The following CA8 variants were observed in gnomAD, a reference collection of about 807,000 sequenced individuals.
The protein encoded by CA8 is carbonic anhydrase 8 (inactive).
CA8 carries 22 observed loss-of-function variants against 41.4 expected under a neutral mutation model. That is an observed-to-expected ratio of 0.53 (90% CI 0.38 to 0.76). The LOEUF (loss-of-function observed/expected upper bound fraction) is 0.76, where lower values mean the gene tolerates loss of function less well. CA8 is among the 30% of genes least tolerant of loss of function. The pLI is 0.00. For synonymous variants in CA8, 121 were observed against 130.6 expected (o/e 0.93, Z 0.50); for missense variants, 270 against 352.8 (o/e 0.77, Z 1.88).
chr8:60,227,959 G>A (rs1362553848), intron 4 of CA8, among the ~76,000 whole-genome samples: 5 of 152,186 alleles, frequency 3.3e-5, no homozygotes, highest in African/African-American at 1.2e-4. Context: ...GAGAGTAATG[G>A]AGGTCATTTA....
At chr8:60,190,938 C>CACTATATATATATATATATATATA (rs1018035216) in intron 8 of CA8, among the ~76,000 whole-genome samples, 5 of 117,328 alleles carry the variant, frequency 4.3e-5, no homozygotes, top group African/African-American at 1.0e-4. Context: ...CACACACACA[C>CACTATATATATATATATATATATA]TATATATATA....
intron 3 of CA8, among the ~76,000 whole-genome samples, chr8:60,249,906 T>C (rs1474856347): frequency 6.6e-6 from 1 of 152,218 alleles, no homozygotes; most frequent in Non-Finnish European, 1.5e-5. Context: ...AATGGATTGA[T>C]TACTGATGTG....
chr8:60,213,257 AC>A (rs1178475052), intron 7 of CA8, among the ~76,000 whole-genome samples: 4 of 152,358 alleles, frequency 2.6e-5, no homozygotes, highest in Admixed American at 1.3e-4. Flanking sequence ...ACCGACGTCA[AC>A]GGTCCTGAAG....
intron 3 of CA8, among the ~76,000 whole-genome samples, chr8:60,238,167 C>T (rs1003609168): frequency 3.9e-5 from 6 of 152,154 alleles, no homozygotes; most frequent in African/African-American, 9.7e-5. Flanking sequence ...TAAGAAATTG[C>T]GACATGCCAC....
chr8:60,191,828 A>T (rs1230040929), intron 8 of CA8, among the ~76,000 whole-genome samples: 2 of 152,122 alleles, frequency 1.3e-5, no homozygotes, highest in Non-Finnish European at 2.9e-5. Flanking sequence ...TAATCATACG[A>T]GGTCAGGTCT....
chr8:60,185,582 A>T lies in CA8; in HGVS notation c.*4439T>A, dbSNP rs1375052068. Reference sequence around the variant, plus strand: ...ACCATTTGTTTTTGAAAGCAGAAACAGAAAAACGATTTGTCTTGTAGAAGG... The same window carrying T: ...ACCATTTGTTTTTGAAAGCAGAAACTGAAAAACGATTTGTCTTGTAGAAGG... On this transcript the variant is annotated 3_prime_UTR_variant, in exon 9 of 9. Coordinates refer to ENST00000317995, the MANE Select transcript of CA8 (RefSeq NM_004056.6). Among the ~76,000 whole-genome samples the T allele has an allele frequency of 6.6e-6, 1 of 152,214 alleles. No individual in the cohort carries two copies. The highest frequency in any genetic ancestry group is 2.4e-5 in the African/African-American group (1 of 41,468).
intron 5 of CA8, among the ~76,000 whole-genome samples, chr8:60,226,610 TAGG>T (rs1807448557): frequency 6.6e-6 from 1 of 152,200 alleles, no homozygotes; most frequent in Non-Finnish European, 1.5e-5. Flanking sequence ...ACATCATTGC[TAGG>T]AGAATTAGGG....
At chr8:60,191,510 A>C (rs1162078723) in intron 8 of CA8, among the ~76,000 whole-genome samples, 1 of 152,130 alleles carries the variant, frequency 6.6e-6, no homozygotes, top group Non-Finnish European at 1.5e-5. Context: ...AACTCTGTTA[A>C]AATATGGTTC....
intron 3 of CA8, among the ~76,000 whole-genome samples, chr8:60,253,354 T>C (rs1033045441): frequency 7.2e-5 from 11 of 152,234 alleles, no homozygotes; most frequent in Non-Finnish European, 1.0e-4. Flanking sequence ...TCCCTTTTTT[T>C]TCTATTAAGT....
rs562060560 is a variant in CA8 at position 60,269,680 on chromosome 8, T to C, written c.293-3631A>G. On this transcript the variant is annotated intron_variant, in intron 2 of 8. Coordinates refer to ENST00000317995, the MANE Select transcript of CA8 (RefSeq NM_004056.6). The stretch of plus-strand genomic sequence containing the variant: ...TTCAAAGGCTAGTGCTCAAGCCTTA[T>C]TCCTTTTCATTTGACTTCAAAGCTA... Among the ~76,000 whole-genome samples, 9 of 152,372 alleles carry C rather than the reference T, an allele frequency of 5.9e-5. No individual in the cohort carries two copies. The South Asian group carries it at 1.9e-3, about 32-fold the overall frequency.
intron 3 of CA8, among the ~76,000 whole-genome samples, chr8:60,255,687 A>G (rs947162761): frequency 2.0e-5 from 3 of 152,204 alleles, no homozygotes; most frequent in Non-Finnish European, 4.4e-5. Flanking sequence ...CTTAATGCTT[A>G]TATTTCAACA....
intron 4 of CA8, 70 bp from the exon 5 acceptor site, chr8:60,227,005 A>G: frequency 9.1e-7 from 1 of 1,100,906 alleles, no homozygotes; most frequent in Admixed American, 1.7e-5. Context: ...AAAAAAAACT[A>G]ATAGGGCTGA....
In CA8 at chr8:60,254,824, CCT is replaced by C. The variant is rs373845329; in HGVS notation, c.417+11099_417+11100del. Reference sequence around the variant, plus strand: ...AGCAAGCCCTGGATGATTCAAAATCCCTGTTTACCAAACCCTACTGCTAAATT... The same window carrying C: ...AGCAAGCCCTGGATGATTCAAAATCCGTTTACCAAACCCTACTGCTAAATT... On this transcript the variant is annotated intron_variant, in intron 3 of 8. Coordinates refer to ENST00000317995, the MANE Select transcript of CA8 (RefSeq NM_004056.6). Among the ~76,000 whole-genome samples, 673 of 152,214 alleles carry C rather than the reference CCT, an allele frequency of 4.4e-3. 7 individuals carry two copies. Among genetic ancestry groups the C allele is most frequent in the African/African-American group, 0.015 (628 of 41,534 alleles).
At chr8:60,194,171 C>A (rs1441061179) in intron 8 of CA8, among the ~76,000 whole-genome samples, 1 of 152,100 alleles carries the variant, frequency 6.6e-6, no homozygotes, top group Non-Finnish European at 1.5e-5. Context: ...GTGACAACTT[C>A]TTGACAGTTT....
intron 2 of CA8, among the ~76,000 whole-genome samples, chr8:60,271,007 C>T (rs890730800): frequency 6.6e-6 from 1 of 152,066 alleles, no homozygotes; most frequent in Admixed American, 6.6e-5. Context: ...CAGGAACTAA[C>T]CAGGTAATTC....
At chr8:60,205,501 C>G (rs989694897) in intron 8 of CA8, among the ~76,000 whole-genome samples, 1 of 152,116 alleles carries the variant, frequency 6.6e-6, no homozygotes, top group Non-Finnish European at 1.5e-5. Context: ...TATTAAAATA[C>G]ATTTAGTTCT....
chr8:60,224,447 T>G (rs1017853410), intron 6 of CA8, 90 bp downstream of exon 6: 13 of 798,456 alleles, frequency 1.6e-5, no homozygotes, highest in Non-Finnish European at 2.6e-5. Flanking sequence ...TTTTATTAAT[T>G]AACAATATAT....
intron 2 of CA8, among the ~76,000 whole-genome samples, chr8:60,278,404 T>C (rs1214575917): frequency 6.6e-6 from 1 of 152,250 alleles, no homozygotes. Context: ...ATTTTTGTTT[T>C]GTGGATATAT....
chr8:60,228,562 A>G (rs1807525763), intron 4 of CA8, among the ~76,000 whole-genome samples: 1 of 152,192 alleles, frequency 6.6e-6, no homozygotes, highest in South Asian at 2.1e-4. Flanking sequence ...CTGGATTCCA[A>G]TCCTGACTCT....
Sources: gnomAD v4.1 joint callset for allele counts (sites outside exome capture counted in the v4.1 genomes callset) on GRCh38, gnomAD v4.1.1 for gene constraint, MANE v1.5 for transcripts, NCBI Gene and HGNC (gene_info 2026-07-23, HGNC 2026-07-21) for gene names.